The following STEAP1B variants were observed in gnomAD, a reference collection of about 807,000 sequenced individuals.
The protein encoded by STEAP1B is STEAP family protein MGC87042.
In STEAP1B, 13 loss-of-function variants were observed where a neutral mutation model predicts 27.9. The observed-to-expected ratio is 0.47, with a 90% CI of 0.30 to 0.74. The LOEUF is 0.74. STEAP1B is among the 30% of genes least tolerant of loss of function. STEAP1B has a pLI of 0.06. For missense variants in STEAP1B, 250 were observed against 298.7 expected (o/e 0.84, Z 1.20); for synonymous variants, 86 against 107.1 (o/e 0.80, Z 1.22).
chr7:22,460,739 T>C (rs1197027689), intron 4 of STEAP1B, among the ~76,000 whole-genome samples: 3 of 152,098 alleles, frequency 2.0e-5, no homozygotes. Flanking sequence ...CCAAAAGCCA[T>C]CACACTCACA....
intron 4 of STEAP1B, among the ~76,000 whole-genome samples, chr7:22,422,640 C>T (rs1785058718): frequency 6.6e-6 from 1 of 152,092 alleles, no homozygotes; most frequent in Non-Finnish European, 1.5e-5. Context: ...ATTACAGGCA[C>T]CCACCCCTAG....
intron 4 of STEAP1B, among the ~76,000 whole-genome samples, chr7:22,491,954 T>A (rs1270568458): frequency 6.6e-6 from 1 of 152,056 alleles, no homozygotes; most frequent in Non-Finnish European, 1.5e-5. Flanking sequence ...AGAGGATATA[T>A]GTAGTATTTC....
At chr7:22,466,994 A>T (rs1264973705) in intron 4 of STEAP1B, among the ~76,000 whole-genome samples, 3 of 152,208 alleles carry the variant, frequency 2.0e-5, no homozygotes, top group Non-Finnish European at 4.4e-5. Flanking sequence ...CAAATGGAAC[A>T]CCTGGCACAT....
rs183568288 is a variant in STEAP1B, at chr7:22,492,772, T to C, written c.598-43A>G. The C allele has an allele frequency of 9.0e-3, 14,051 of 1,556,434 alleles. 80 individuals are homozygous for C. Among genetic ancestry groups the C allele is most frequent in the South Asian group, 0.018 (1,375 of 78,162 alleles). ...AAGAAAGAAGAAATGCAAACAACAG[T>C]TATTTCCTGAATGTGAATCTCCTTC... On this transcript the variant is annotated intron_variant, in intron 3 of 4. Transcript: ENST00000678116.
At chr7:22,433,196 T>C (rs1785212697) in intron 4 of STEAP1B, among the ~76,000 whole-genome samples, 1 of 152,120 alleles carries the variant, frequency 6.6e-6, no homozygotes, top group African/African-American at 2.4e-5. Context: ...CTCCCATTCA[T>C]TGCACCCCAA....
At chr7:22,459,770 C>T (rs117698512) in intron 4 of STEAP1B, among the ~76,000 whole-genome samples, 1,604 of 152,270 alleles carry the variant, frequency 0.011, 20 homozygotes, top group South Asian at 0.066. Context: ...TCCTTACCCC[C>T]GTTATGGGTC....
rs145830919 is a variant in STEAP1B at position 22,466,974 on chromosome 7, T to C, written c.762+25591A>G. On this transcript the variant is annotated intron_variant, in intron 4 of 4. Transcript: ENST00000678116. ...CCTCCCAGGGCTGCTGTAAGTACTA[T>C]AGAAGTTAACAAATGGAACACCTGG... Among the ~76,000 whole-genome samples the C allele has an allele frequency of 4.4e-4, 67 of 152,320 alleles. No homozygotes were observed. The East Asian group carries it at 0.01, about 24-fold the overall frequency.
intron 4 of STEAP1B, among the ~76,000 whole-genome samples, chr7:22,491,408 CA>C (rs769270869): frequency 1.3e-5 from 2 of 151,996 alleles, no homozygotes; most frequent in Non-Finnish European, 2.9e-5. Context: ...AATATGAATT[CA>C]TAATAGAATA....
intron 4 of STEAP1B, among the ~76,000 whole-genome samples, chr7:22,460,336 C>A (rs73083176): frequency 0.012 from 1,373 of 116,584 alleles, no homozygotes; most frequent in Non-Finnish European, 0.013. Context: ...TCAAAACAAA[C>A]AAAAAAAAAA....
chr7:22,455,868 C>T (rs1465066919), intron 4 of STEAP1B, among the ~76,000 whole-genome samples: 2 of 152,224 alleles, frequency 1.3e-5, no homozygotes, highest in Non-Finnish European at 2.9e-5. Flanking sequence ...ATCTTCCTGG[C>T]CGGGCACAGT....
chr7:22,445,496 A>G (rs1447472864), intron 4 of STEAP1B, among the ~76,000 whole-genome samples: 3 of 152,362 alleles, frequency 2.0e-5, no homozygotes, highest in Non-Finnish European at 2.9e-5. Flanking sequence ...AAAGGCAGCT[A>G]TAAATACTCC....
intron 4 of STEAP1B, among the ~76,000 whole-genome samples, chr7:22,452,692 G>A (rs1327117692): frequency 6.6e-6 from 1 of 152,150 alleles, no homozygotes; most frequent in African/African-American, 2.4e-5. Flanking sequence ...TTCAGTCTCG[G>A]GGTAAAAACT....
At chr7:22,497,223 A>G (rs1021517029) in intron 1 of STEAP1B, among the ~76,000 whole-genome samples, 23 of 152,234 alleles carry the variant, frequency 1.5e-4, no homozygotes, top group African/African-American at 4.8e-4. Flanking sequence ...ATATTTATAT[A>G]TGGAAGTGGA....
At chr7:22,440,769 C>G (rs1385135662) in intron 4 of STEAP1B, among the ~76,000 whole-genome samples, 2 of 151,836 alleles carry the variant, frequency 1.3e-5, no homozygotes, top group Non-Finnish European at 2.9e-5. Context: ...AAATTAAAAG[C>G]AAAAGACACT....
At chr7:22,456,972 A>ATTTTTTTTTTTTTTTTTTTTTTT (rs3064738) in intron 4 of STEAP1B, among the ~76,000 whole-genome samples, 1 of 57,080 alleles carries the variant, frequency 1.8e-5, no homozygotes, top group African/African-American at 7.0e-5. Context: ...ATATATATAT[A>ATTTTTTTTTTTTTTTTTTTTTTT]TTTTTTTTTT....
At chr7:22,455,797 T>C (rs1283167756) in intron 4 of STEAP1B, among the ~76,000 whole-genome samples, 1 of 152,212 alleles carries the variant, frequency 6.6e-6, no homozygotes, top group East Asian at 1.9e-4. Flanking sequence ...TAAAATAATC[T>C]TTTGGAATTC....
chr7:22,499,379 T>G (rs938837903), intron 1 of STEAP1B, among the ~76,000 whole-genome samples: 2 of 151,880 alleles, frequency 1.3e-5, no homozygotes, highest in African/African-American at 4.9e-5. Flanking sequence ...TCGAGTTTTT[T>G]GGGTTTTTTT....
chr7:22,454,249 C>T lies in STEAP1B; in HGVS notation c.763-34413G>A, dbSNP rs74848938. ...CTCTCAAGAAAGACCCACCTCCAAC[C>T]CCTGCCTCAGGCCTAATCCATTTAA... On this transcript the variant is annotated intron_variant, in intron 4 of 4. Transcript: ENST00000678116. 1.9e-3 allele frequency among the ~76,000 whole-genome samples: 287 copies of T among 152,294 alleles called. 1 individual carries two copies. The highest frequency in any genetic ancestry group is 6.5e-3 in the African/African-American group (268 of 41,536).
intron 4 of STEAP1B, among the ~76,000 whole-genome samples, chr7:22,489,002 T>C (rs1230898150): frequency 2.0e-5 from 3 of 152,200 alleles, no homozygotes; most frequent in Non-Finnish European, 4.4e-5. Context: ...AGTTCTCTTC[T>C]ACCCAAGGCT....
Sources: allele counts gnomAD v4.1 joint callset (sites outside exome capture counted in the v4.1 genomes callset), GRCh38; gene constraint gnomAD v4.1.1; transcripts MANE v1.5; gene names NCBI Gene and HGNC (gene_info 2026-07-23, HGNC 2026-07-21).